NPAS3: variants seen among roughly 807,000 people sequenced by gnomAD.
The protein encoded by NPAS3 is neuronal PAS domain protein 3, also known as neuronal PAS domain-containing protein 3.
Under a neutral mutation model 73.1 loss-of-function variants are expected in NPAS3, and 14 were observed. The observed-to-expected ratio is 0.19, with a 90% CI of 0.13 to 0.30. The LOEUF (loss-of-function observed/expected upper bound fraction) is 0.30, where lower values mean the gene tolerates loss of function less well. Ranked by LOEUF, NPAS3 falls within the 10% of genes least tolerant of loss-of-function variation. The pLI is 1.00. For missense variants in NPAS3, 1,096 were observed against 1,250.0 expected (o/e 0.88, Z 1.86); for synonymous variants, 620 against 541.5 (o/e 1.14, Z -2.01).
chr14:33,416,309 A>G (rs990684998), intron 4 of NPAS3, among the ~76,000 whole-genome samples: 1 of 152,084 alleles, frequency 6.6e-6, no homozygotes, highest in African/African-American at 2.4e-5. Context: ...GGGAAAAAAA[A>G]TAATTTATCT....
At chr14:33,746,435 C>G (rs773551564) in intron 7 of NPAS3, among the ~76,000 whole-genome samples, 6 of 151,658 alleles carry the variant, frequency 4.0e-5, no homozygotes, top group Non-Finnish European at 5.9e-5. Context: ...GATCCGCCCA[C>G]CTCGGCCTCC....
At chr14:33,014,137 T>G (rs1482809923) in intron 1 of NPAS3, among the ~76,000 whole-genome samples, 3 of 152,122 alleles carry the variant, frequency 2.0e-5, no homozygotes, top group Non-Finnish European at 4.4e-5. Context: ...ATTATTCTCA[T>G]AATCTCTTTA....
intron 5 of NPAS3, chr14:33,583,406 G>T (rs981508353): frequency 6.6e-6 from 1 of 152,136 alleles, no homozygotes; most frequent in Non-Finnish European, 1.5e-5. Context: ...ATAAATTGGG[G>T]TAACTATAAA....
At chr14:33,418,137 G>A (rs754057232) in intron 4 of NPAS3, among the ~76,000 whole-genome samples, 1 of 151,746 alleles carries the variant, frequency 6.6e-6, no homozygotes, top group Non-Finnish European at 1.5e-5. Flanking sequence ...ACTTTAAAGT[G>A]TATGTCCTCC....
At chr14:33,572,975 A>G (rs2056282959) in intron 5 of NPAS3, among the ~76,000 whole-genome samples, 1 of 149,416 alleles carries the variant, frequency 6.7e-6, no homozygotes, top group Non-Finnish European at 1.5e-5. Context: ...GTGAGCCGAG[A>G]TCACGCCACT....
At chr14:33,649,932 A>T (rs557243041) in intron 5 of NPAS3, among the ~76,000 whole-genome samples, 6 of 152,290 alleles carry the variant, frequency 3.9e-5, no homozygotes, top group African/African-American at 1.4e-4. Context: ...GTCTTTAAAG[A>T]ATATATTTTC....
intron 3 of NPAS3, among the ~76,000 whole-genome samples, chr14:33,343,763 T>C (rs1330122329): frequency 6.6e-6 from 1 of 152,220 alleles, no homozygotes; most frequent in East Asian, 1.9e-4. Flanking sequence ...TGCAGTTGTA[T>C]AAGCAATACC....
Position 33,689,916 on chromosome 14 carries a change from T to C in NPAS3, c.733+13531T>C, listed in dbSNP as rs75030244. ...GCCAGCTCCACTTTAGAATAGACCT[T>C]GATGTTAGTCTCCAAGGGTTTGCAG... On this transcript the variant is annotated intron_variant, in intron 6 of 11. Transcript: ENST00000356141. Among the ~76,000 whole-genome samples, 928 of 152,284 alleles carry C rather than the reference T, an allele frequency of 6.1e-3. 14 individuals are homozygous for C. The highest frequency in any genetic ancestry group is 0.017 in the African/African-American group (695 of 41,570).
intron 3 of NPAS3, among the ~76,000 whole-genome samples, chr14:33,359,519 T>C (rs2045495245): frequency 6.6e-6 from 1 of 152,178 alleles, no homozygotes; most frequent in Admixed American, 6.5e-5. Flanking sequence ...AACTGTTTGC[T>C]TGCTGCTGAG....
intron 2 of NPAS3, among the ~76,000 whole-genome samples, chr14:33,123,948 A>C (rs2043331270): frequency 7.0e-6 from 1 of 143,728 alleles, no homozygotes; most frequent in African/African-American, 2.6e-5. Context: ...TGCAATCTCC[A>C]CTTCTGGGCT....
chr14:33,724,731 T>C (rs1424577131), intron 6 of NPAS3, among the ~76,000 whole-genome samples: 1 of 151,634 alleles, frequency 6.6e-6, no homozygotes, highest in Admixed American at 6.6e-5. Context: ...TATCTTCTGG[T>C]AATTTAATGT....
chr14:33,200,651 G>A (rs8018131), intron 2 of NPAS3, among the ~76,000 whole-genome samples: 142,467 of 152,200 alleles, frequency 0.94, 67,030 homozygotes, highest in Non-Finnish European at 0.98. Context: ...TAAGATGCCA[G>A]TGCTTTCAAA....
At chr14:33,235,257 CT>C (rs1219422294) in intron 3 of NPAS3, among the ~76,000 whole-genome samples, 9 of 151,664 alleles carry the variant, frequency 5.9e-5, no homozygotes, top group Non-Finnish European at 1.2e-4. Flanking sequence ...TTTTTTTGTC[CT>C]TTGTTTGGCT....
At chr14:32,957,069 T>C (rs2036700157) in intron 1 of NPAS3, among the ~76,000 whole-genome samples, 1 of 152,236 alleles carries the variant, frequency 6.6e-6, no homozygotes. Context: ...AAATTAATTC[T>C]GGCTTCCCAG....
At position 33,355,727 on chromosome 14, in the gene NPAS3, C is replaced by T. The variant is rs542711246; in HGVS notation, c.386-11459C>T. Among the ~76,000 whole-genome samples the T allele has an allele frequency of 1.1e-4, 17 of 152,228 alleles. No homozygotes were observed. The South Asian group carries it at 3.5e-3, about 32-fold the overall frequency. On this transcript the variant is annotated intron_variant, in intron 3 of 11. Transcript: ENST00000356141. ...CTCAGGGCCTTTATATCTTCTCTTC[C>T]CTTCACCTGGACATCATGTCCCTCC...
At chr14:33,456,935 G>A (rs114549853) in intron 4 of NPAS3, among the ~76,000 whole-genome samples, 234 of 152,238 alleles carry the variant, frequency 1.5e-3, no homozygotes, top group African/African-American at 4.4e-3. Context: ...GACTTCCTCC[G>A]CCTCACCTGC....
chr14:33,352,316 A>C (rs2045104835), intron 3 of NPAS3, among the ~76,000 whole-genome samples: 1 of 152,156 alleles, frequency 6.6e-6, no homozygotes, highest in Non-Finnish European at 1.5e-5. Context: ...CATATACACC[A>C]CTTTGGTGAC....
At chr14:33,037,050 A>T (rs17099960) in intron 1 of NPAS3, among the ~76,000 whole-genome samples, 3,958 of 152,290 alleles carry the variant, frequency 0.026, 50 homozygotes, top group Non-Finnish European at 0.031. Context: ...TTTTGCATAG[A>T]ATGTGTTTAG....
intron 5 of NPAS3, among the ~76,000 whole-genome samples, chr14:33,561,676 T>C (rs77360248): frequency 0.042 from 6,395 of 152,348 alleles, 364 homozygotes; most frequent in African/African-American, 0.13. Flanking sequence ...ATGTTGTTAT[T>C]ACCATACAGA....
Sources: allele counts gnomAD v4.1 joint callset (sites outside exome capture counted in the v4.1 genomes callset), GRCh38; gene constraint gnomAD v4.1.1; transcripts MANE v1.5; gene names NCBI Gene and HGNC (gene_info 2026-07-23, HGNC 2026-07-21).